PROM1: variants seen among roughly 807,000 people sequenced by gnomAD.
The protein encoded by PROM1 is prominin-1.
Under a neutral mutation model 116.9 loss-of-function variants are expected in PROM1, and 105 were observed. The ratio of observed to expected loss-of-function variants is 0.90; its 90% CI spans 0.77 to 1.06. PROM1 has a LOEUF of 1.06. Ranked by LOEUF, PROM1 falls within the 50% of genes least tolerant of loss-of-function variation. The probability of loss-of-function intolerance (pLI) is 0.00; values close to 1 mark genes in which losing one functional copy is unlikely to be tolerated. For synonymous variants in PROM1, 393 were observed against 387.0 expected, an observed-to-expected ratio of 1.02 and a Z score of -0.18; for missense variants, 1,122 against 1,045.2, an observed-to-expected ratio of 1.07 and a Z score of -1.01.
intron 26 of PROM1, among the ~76,000 whole-genome samples, chr4:15,975,187 T>G (rs1715799215): frequency 6.6e-6 from 1 of 152,238 alleles, no homozygotes; most frequent in Non-Finnish European, 1.5e-5. Flanking sequence ...GTTACCTCAT[T>G]GAACCCTCAC....
chr4:15,973,776 G>A (rs1440365697), intron 26 of PROM1, among the ~76,000 whole-genome samples: 2 of 152,104 alleles, frequency 1.3e-5, no homozygotes, highest in Non-Finnish European at 2.9e-5. Flanking sequence ...ACCTGCCTTT[G>A]GGAGAATAGG....
intron 2 of PROM1, among the ~76,000 whole-genome samples, chr4:16,041,793 T>A (rs868558302): frequency 2.9e-4 from 39 of 133,132 alleles, no homozygotes; most frequent in African/African-American, 7.1e-4. Flanking sequence ...TAAATATATA[T>A]ATATATATAT....
chr4:15,986,156 A>G, intron 20 of PROM1, 119 bp from the exon 21 acceptor site: 3 of 688,788 alleles, frequency 4.4e-6, no homozygotes, highest in East Asian at 2.8e-5. Flanking sequence ...TGGACCTGCT[A>G]GTTAAGAGGA....
chr4:15,979,482 C>T lies in PROM1; in HGVS notation c.2514-19G>A, dbSNP rs139362773. Reference sequence around the variant, plus strand: ...TTCCATACTGTAACAGAAATAAATACACCAAAAACACCATGTTATCTCTAA... The same window carrying T: ...TTCCATACTGTAACAGAAATAAATATACCAAAAACACCATGTTATCTCTAA... On this transcript the variant is annotated intron_variant, in intron 25 of 27. Coordinates refer to ENST00000447510, the MANE Select transcript of PROM1 (RefSeq NM_006017.3). 3.1e-6 allele frequency: 5 copies of T among 1,593,602 alleles called. No homozygotes were observed. The highest frequency in any genetic ancestry group is 4.5e-5 in the East Asian group (2 of 44,364).
chr4:16,011,553 C>T lies in PROM1; in HGVS notation c.1141+1722G>A, dbSNP rs77532723. Among the ~76,000 whole-genome samples the T allele has an allele frequency of 2.2e-4, 34 of 152,278 alleles. 1 individual carries two copies. The East Asian group carries it at 6.4e-3, about 29-fold the overall frequency. ...TGCACCATGGGCCGCACTCAATGCA[C>T]GCAGCACAATTTGCTGTGTCAGACT... On this transcript the variant is annotated intron_variant, in intron 11 of 27. Coordinates refer to ENST00000447510, the MANE Select transcript of PROM1 (RefSeq NM_006017.3).
chr4:16,013,378 G>A, intron 10 of PROM1, 40 bp from the exon 11 acceptor site: 7 of 1,448,830 alleles, frequency 4.8e-6, no homozygotes, highest in Non-Finnish European at 6.8e-6. Flanking sequence ...ACACAGTTAA[G>A]TCAAAGACTA....
intron 8 of PROM1, among the ~76,000 whole-genome samples, chr4:16,022,783 A>C (rs1245703978): frequency 3.9e-5 from 6 of 152,118 alleles, no homozygotes; most frequent in Non-Finnish European, 7.4e-5. Flanking sequence ...TATACCATTG[A>C]CCATGGAGGC....
intron 10 of PROM1, among the ~76,000 whole-genome samples, chr4:16,015,498 T>G (rs1424138559): frequency 6.6e-6 from 1 of 151,948 alleles, no homozygotes; most frequent in Admixed American, 6.6e-5. Flanking sequence ...GAGGCCAGCC[T>G]GGCCAACATG....
intron 2 of PROM1, among the ~76,000 whole-genome samples, chr4:16,066,011 G>A (rs1741447178): frequency 6.6e-6 from 1 of 152,296 alleles, no homozygotes; most frequent in Admixed American, 6.5e-5. Context: ...GAGTGATCCT[G>A]GCCAGGCCAA....
intron 23 of PROM1, among the ~76,000 whole-genome samples, chr4:15,982,517 G>A (rs1369205954): frequency 2.0e-5 from 3 of 152,164 alleles, no homozygotes; most frequent in African/African-American, 7.2e-5. Context: ...ACAGTCTATC[G>A]TATTGACTAA....
chr4:16,050,507 C>A (rs2149467432), intron 2 of PROM1, among the ~76,000 whole-genome samples: 2 of 152,276 alleles, frequency 1.3e-5, no homozygotes, highest in Admixed American at 1.3e-4. Flanking sequence ...TCATGTGCCA[C>A]CACATCCAGC....
At chr4:16,053,467 A>G (rs1377021171) in intron 2 of PROM1, among the ~76,000 whole-genome samples, 1 of 152,240 alleles carries the variant, frequency 6.6e-6, no homozygotes, top group Non-Finnish European at 1.5e-5. Context: ...GATTCAAGGG[A>G]AGGAAAGAAA....
chr4:16,006,605 A>G lies in PROM1; in HGVS notation c.1387T>C (p.Tyr463His), dbSNP rs1297490531. 1.9e-6 allele frequency: 3 copies of G among 1,609,802 alleles called. No homozygotes were observed. Among genetic ancestry groups the G allele is most frequent in the Non-Finnish European group, 2.5e-6 (3 of 1,178,298 alleles). ...YLGLLCGVCG[Y>H]DRHATPTTRG... ...GTGGTCGGGGTGGCATGCCTGTCAT[A>G]GCCGCACACGCCACACAGTAAGCCC... The change falls in exon 13 of 28, where the codon TAT (tyrosine) becomes CAT (histidine). Residue 463 changes from tyrosine (Y) to histidine (H), a missense_variant. Physicochemically the swap from Tyr to His is moderately conservative, Grantham distance 83. Coordinates refer to ENST00000447510, the MANE Select transcript of PROM1 (RefSeq NM_006017.3).
intron 2 of PROM1, among the ~76,000 whole-genome samples, chr4:16,069,800 T>C (rs142810590): frequency 4.1e-4 from 63 of 152,346 alleles, no homozygotes; most frequent in African/African-American, 1.4e-3. Flanking sequence ...CAGGCAGCCC[T>C]TGGAATCAGA....
At chr4:16,066,211 T>A (rs1415479611) in intron 2 of PROM1, among the ~76,000 whole-genome samples, 5 of 152,192 alleles carry the variant, frequency 3.3e-5, no homozygotes, top group Non-Finnish European at 7.3e-5. Context: ...AGGAAACCAA[T>A]AAAGCGAAGG....
At chr4:16,024,167 A>T (rs1214158719) in intron 7 of PROM1, 128 bp downstream of exon 7, 1 of 813,060 alleles carries the variant, frequency 1.2e-6, no homozygotes, top group African/African-American at 1.7e-5. Flanking sequence ...ACACATTGGC[A>T]ATAAGGCTAG....
chr4:16,024,729 T>C (rs1013224207), intron 6 of PROM1, among the ~76,000 whole-genome samples: 1 of 152,082 alleles, frequency 6.6e-6, no homozygotes, highest in Non-Finnish European at 1.5e-5. Context: ...GTGTGTGTGA[T>C]AGAGACTGCT....
intron 2 of PROM1, among the ~76,000 whole-genome samples, chr4:16,068,804 CAA>C (rs1275375602): frequency 1.3e-5 from 2 of 152,138 alleles, no homozygotes; most frequent in Non-Finnish European, 2.9e-5. Flanking sequence ...TCCATGGAAA[CAA>C]GGCTTAACTC....
intron 19 of PROM1, among the ~76,000 whole-genome samples, chr4:15,988,064 G>C (rs1408340882): frequency 6.6e-6 from 1 of 151,918 alleles, no homozygotes; most frequent in Non-Finnish European, 1.5e-5. Context: ...TTTTAGTAGA[G>C]ACGGGGTTTC....
Sources: gnomAD v4.1 joint callset for allele counts (sites outside exome capture counted in the v4.1 genomes callset) on GRCh38, gnomAD v4.1.1 for gene constraint, MANE v1.5 for transcripts, NCBI Gene and HGNC (gene_info 2026-07-23, HGNC 2026-07-21) for gene names.